Variants in BTC observed in about 807,000 individuals in gnomAD.
The protein encoded by BTC is probetacellulin.
In BTC, 13 loss-of-function variants were observed where a neutral mutation model predicts 18.1. The ratio of observed to expected loss-of-function variants is 0.72; its 90% CI spans 0.47 to 1.14. The LOEUF is 1.14. Ranked by LOEUF, BTC falls within the 50% of genes most tolerant of loss-of-function variation. The probability of loss-of-function intolerance (pLI) is 0.00; values close to 1 mark genes in which losing one functional copy is unlikely to be tolerated. For missense variants in BTC, 247 were observed against 224.2 expected (o/e 1.10, Z -0.65); for synonymous variants, 83 against 79.4 (o/e 1.05, Z -0.24).
chr4:74,747,738 G>T (rs1724329320), intron 5 of BTC, among the ~76,000 whole-genome samples: 1 of 152,080 alleles, frequency 6.6e-6, no homozygotes, highest in African/African-American at 2.4e-5. Flanking sequence ...TTCTTTCAAT[G>T]TGAAGTGTCT....
intron 2 of BTC, among the ~76,000 whole-genome samples, chr4:74,769,454 G>A (rs1281473817): frequency 1.3e-5 from 2 of 152,084 alleles, no homozygotes; most frequent in Non-Finnish European, 2.9e-5. Flanking sequence ...TCACAGTACA[G>A]TGGCAGTGTT....
At chr4:74,749,102 C>A (rs1724376359) in intron 4 of BTC, among the ~76,000 whole-genome samples, 1 of 152,090 alleles carries the variant, frequency 6.6e-6, no homozygotes, top group Non-Finnish European at 1.5e-5. Flanking sequence ...TACCCAGGTT[C>A]TCAAAGATAC....
At chr4:74,782,088 T>A (rs1303635361) in intron 1 of BTC, among the ~76,000 whole-genome samples, 1 of 152,192 alleles carries the variant, frequency 6.6e-6, no homozygotes, top group Admixed American at 6.6e-5. Context: ...ATGATTCAGG[T>A]ATATTTCCAG....
Position 74,793,370 on chromosome 4 carries a change from C to A in BTC, c.64+892G>T, listed in dbSNP as rs201685162. Reference sequence around the variant, plus strand: ...AATAAGAGGAATTCCCATTCTTTTTCATTTGTGGTGTCCCCTTCCCAGGCT... The same window carrying A: ...AATAAGAGGAATTCCCATTCTTTTTAATTTGTGGTGTCCCCTTCCCAGGCT... On this transcript the variant is annotated intron_variant, in intron 1 of 5. Coordinates refer to ENST00000395743, the MANE Select transcript of BTC (RefSeq NM_001729.4). 8.5e-5 allele frequency among the ~76,000 whole-genome samples: 13 copies of A among 152,268 alleles called. No homozygotes were observed. In the East Asian group the frequency reaches 2.5e-3, roughly 29 times the overall value.
chr4:74,746,695 C>G lies in BTC; in HGVS notation c.*2-20G>C, dbSNP rs968796275. ...TAGCCTCTGAGAATGAAGAAAATAACAGCACATCACTTAAAAGAAATGGAC... is the reference window on the plus strand; with the variant it reads ...TAGCCTCTGAGAATGAAGAAAATAAGAGCACATCACTTAAAAGAAATGGAC... On this transcript the variant is annotated intron_variant, in intron 5 of 5. Transcript: ENST00000395743. 1.6e-4 allele frequency: 25 copies of G among 152,534 alleles called. No individual in the cohort carries two copies. Among genetic ancestry groups the G allele is most frequent in the African/African-American group, 6.0e-4 (25 of 41,414 alleles). The allele number at this position is 152,534 out of a possible 1,614,324, so 9.4% of individuals were successfully genotyped here.
intron 1 of BTC, among the ~76,000 whole-genome samples, chr4:74,791,916 G>GGCA (rs1487266108): frequency 6.6e-6 from 1 of 150,724 alleles, no homozygotes; most frequent in African/African-American, 2.4e-5. Context: ...TGGTAGAGCT[G>GGCA]GAACCAGGGC....
intron 5 of BTC, among the ~76,000 whole-genome samples, chr4:74,747,215 C>A (rs1245053501): frequency 6.6e-6 from 1 of 152,194 alleles, no homozygotes; most frequent in East Asian, 1.9e-4. Flanking sequence ...CTTCTTGGAG[C>A]CTTTCTCTGC....
chr4:74,763,182 C>G (rs1022417739), intron 2 of BTC, among the ~76,000 whole-genome samples: 1 of 152,058 alleles, frequency 6.6e-6, no homozygotes, highest in Admixed American at 6.6e-5. Flanking sequence ...ATATCCTATA[C>G]AGAAAAATAC....
At chr4:74,777,154 T>C (rs1355103802) in intron 1 of BTC, among the ~76,000 whole-genome samples, 1 of 152,142 alleles carries the variant, frequency 6.6e-6, no homozygotes, top group Non-Finnish European at 1.5e-5. Context: ...AGATCTACCT[T>C]TTATGCACGA....
intron 1 of BTC, among the ~76,000 whole-genome samples, chr4:74,779,161 T>A (rs1725253980): frequency 6.6e-6 from 1 of 152,156 alleles, no homozygotes; most frequent in East Asian, 1.9e-4. Context: ...AGAAATAATA[T>A]CTTGGTGTTT....
intron 5 of BTC, among the ~76,000 whole-genome samples, chr4:74,747,718 TA>T (rs1272222967): frequency 1.3e-5 from 2 of 152,222 alleles, no homozygotes; most frequent in Non-Finnish European, 2.9e-5. Context: ...TTATTATTGC[TA>T]TTGTTATTTT....
At position 74,785,312 on chromosome 4, in the gene BTC, T is replaced by A. The variant is rs1725450722; in HGVS notation, c.64+8950A>T. On this transcript the variant is annotated intron_variant, in intron 1 of 5. Transcript: ENST00000395743. ...TGATTGTGTTTATTTGATTCTTCTC[T>A]CTTTTCTTCTTTATTAGTCTAGTTA... is the stretch of plus-strand genomic sequence containing the variant. 3.3e-5 allele frequency among the ~76,000 whole-genome samples: 5 copies of A among 152,192 alleles called. No individual in the cohort carries two copies. In the South Asian group the frequency reaches 1.0e-3, roughly 31 times the overall value.
chr4:74,789,021 A>C (rs939366836), intron 1 of BTC, among the ~76,000 whole-genome samples: 2 of 152,238 alleles, frequency 1.3e-5, no homozygotes, highest in Non-Finnish European at 2.9e-5. Flanking sequence ...AAAAGTTCAC[A>C]TCAAGATCTC....
Position 74,794,271 on chromosome 4 carries a change from G to T in BTC, c.55C>A (p.Leu19Ile), listed in dbSNP as rs1255916611. ...CAGCACGGCCACTTACCCAGGGCAA[G>T]GGCCAGGAGCAGTGGCAGGGAGCTG... Reference protein sequence around the residue: ...GASSLPLLLALALGLVILHCV... With the variant: ...GASSLPLLLAIALGLVILHCV... The change falls in exon 1 of 6, where the codon CTT becomes ATT. Residue 19 changes from leucine (L) to isoleucine (I), a missense_variant. Physicochemically the swap from Leu to Ile is conservative, Grantham distance 5. Transcript: ENST00000395743. 9 of 1,550,018 alleles carry T rather than the reference G, an allele frequency of 5.8e-6. 1 individual carries two copies. Among genetic ancestry groups the T allele is most frequent in the African/African-American group, 5.5e-5 (4 of 73,022 alleles).
intron 1 of BTC, among the ~76,000 whole-genome samples, chr4:74,779,129 G>A (rs1725253275): frequency 6.6e-6 from 1 of 152,106 alleles, no homozygotes; most frequent in African/African-American, 2.4e-5. Flanking sequence ...TTCCTCCAAT[G>A]TAAAACTCTA....
intron 2 of BTC, 51 bp from the exon 3 acceptor site, chr4:74,756,027 T>C (rs1553956686): frequency 7.2e-7 from 1 of 1,383,202 alleles, no homozygotes; most frequent in Admixed American, 1.7e-5. Flanking sequence ...AATATTCACT[T>C]GTAAATAGAA....
At chr4:74,761,330 C>T (rs1724751948) in intron 2 of BTC, among the ~76,000 whole-genome samples, 1 of 152,184 alleles carries the variant, frequency 6.6e-6, no homozygotes. Flanking sequence ...CCTCGCCTCC[C>T]TGAACCTCTA....
At chr4:74,755,048 A>T (rs1474685978) in intron 3 of BTC, among the ~76,000 whole-genome samples, 2 of 151,918 alleles carry the variant, frequency 1.3e-5, no homozygotes, top group African/African-American at 4.8e-5. Flanking sequence ...TTTCCTTTTT[A>T]AATTAAATAT....
At chr4:74,787,974 C>T (rs1045292434) in intron 1 of BTC, among the ~76,000 whole-genome samples, 4 of 152,110 alleles carry the variant, frequency 2.6e-5, no homozygotes, top group Admixed American at 6.6e-5. Context: ...AGCTTGTCCC[C>T]CAGCTGTAGG....
Sources: gnomAD v4.1 joint callset for allele counts (sites outside exome capture counted in the v4.1 genomes callset) on GRCh38, gnomAD v4.1.1 for gene constraint, MANE v1.5 for transcripts, NCBI Gene and HGNC (gene_info 2026-07-23, HGNC 2026-07-21) for gene names.